Variants in SLC22A23 observed in about 807,000 individuals in gnomAD.
The protein encoded by SLC22A23 is solute carrier family 22 member 23, also known as ion transporter protein.
A neutral mutation model predicts 61.0 loss-of-function variants in SLC22A23; 26 were observed. The observed-to-expected ratio is 0.43, with a 90% CI of 0.31 to 0.59. The LOEUF (loss-of-function observed/expected upper bound fraction) is 0.59, where lower values mean the gene tolerates loss of function less well. SLC22A23 is among the 20% of genes least tolerant of loss of function. The pLI is 0.11. For missense variants in SLC22A23, 796 were observed against 934.7 expected, an observed-to-expected ratio of 0.85 and a Z score of 1.94; for synonymous variants, 430 against 413.9, an observed-to-expected ratio of 1.04 and a Z score of -0.47.
chr6:3,377,707 G>C (rs73720711), intron 3 of SLC22A23: 19,567 of 152,528 alleles, frequency 0.13, 1,704 homozygotes, highest in African/African-American at 0.25. Flanking sequence ...AATGAGCAGT[G>C]GAGAACAGCA....
In SLC22A23 at chr6:3,410,150, A is replaced by T; in HGVS notation, c.913+38T>A. The T allele has an allele frequency of 6.3e-7, 1 of 1,576,114 alleles. No individual in the cohort carries two copies. Among genetic ancestry groups the T allele is most frequent in the South Asian group, 1.2e-5 (1 of 84,682 alleles). On this transcript the variant is annotated intron_variant, in intron 3 of 9. Transcript: ENST00000406686. This position sits in a 1 kb window ranked among gnomAD's most constrained non-coding sequence, Gnocchi z 5.0. ...CCTCCCAGGCAACAATACTTTTGCT[A>T]AATTCTTTCAAGACTAGTCGTGAAG...
At chr6:3,430,117 T>C (rs972732509) in intron 1 of SLC22A23, among the ~76,000 whole-genome samples, 2 of 152,240 alleles carry the variant, frequency 1.3e-5, no homozygotes, top group African/African-American at 4.8e-5. Context: ...GGCTAGCCAG[T>C]ATCCCAATTA....
chr6:3,331,907 G>A (rs1264595187), intron 3 of SLC22A23, among the ~76,000 whole-genome samples: 1 of 152,214 alleles, frequency 6.6e-6, no homozygotes, highest in Non-Finnish European at 1.5e-5. Flanking sequence ...GGGACAGGGT[G>A]GCTTTAAGGT....
intron 9 of SLC22A23, among the ~76,000 whole-genome samples, chr6:3,279,734 T>A (rs1434065921): frequency 2.6e-5 from 4 of 152,040 alleles, no homozygotes; most frequent in Non-Finnish European, 5.9e-5. Flanking sequence ...GGGTTGTCAC[T>A]AGAGGGCAGC....
At position 3,343,674 on chromosome 6, in the gene SLC22A23, C is replaced by T. The variant is rs35671016; in HGVS notation, c.914-19672G>A. On this transcript the variant is annotated intron_variant, in intron 3 of 9. Transcript: ENST00000406686. ...AGCAGCCGGCCAAATGTCGAAAGACCCTAGGTCGCTCTTGAATTGCCCATC... is the reference window on the plus strand; with the variant it reads ...AGCAGCCGGCCAAATGTCGAAAGACTCTAGGTCGCTCTTGAATTGCCCATC... 5.5e-3 allele frequency among the ~76,000 whole-genome samples: 843 copies of T among 152,238 alleles called. 5 individuals carry two copies. The highest frequency in any genetic ancestry group is 0.013 in the South Asian group (63 of 4,826).
Position 3,414,714 on chromosome 6 carries a change from G to A in SLC22A23, c.758+1038C>T, listed in dbSNP as rs1296578138. Among the ~76,000 whole-genome samples the A allele has an allele frequency of 3.2e-5, 3 of 93,276 alleles. No homozygotes were observed. The highest frequency in any genetic ancestry group is 1.5e-4 in the Admixed American group (1 of 6,724). The allele number at this position is 93,276 out of a possible 152,430, so 61.2% of individuals were successfully genotyped here. A position where few individuals can be genotyped will look rare whatever the true frequency, so the allele number is the denominator to read the frequency against. On this transcript the variant is annotated intron_variant, in intron 2 of 9. Transcript: ENST00000406686. The surrounding 1 kb of genome is among the most constrained non-coding windows in gnomAD (Gnocchi z 5.1). ...TATTTCCTCAAGGCCAAGATGTCTCGATTCACCAAAAAAAAAAAAAAAAAA... is the reference window on the plus strand; with the variant it reads ...TATTTCCTCAAGGCCAAGATGTCTCAATTCACCAAAAAAAAAAAAAAAAAA...
chr6:3,278,996 GGAACAAAAGCCTT>G (rs1438537899), intron 9 of SLC22A23, among the ~76,000 whole-genome samples: 1 of 152,106 alleles, frequency 6.6e-6, no homozygotes, highest in Non-Finnish European at 1.5e-5. Context: ...CAAACTGCAT[GGAACAAAAGCCTT>G]GCATTGTGCC....
chr6:3,385,868 C>T lies in SLC22A23; in HGVS notation c.913+24320G>A, dbSNP rs143248435. On this transcript the variant is annotated intron_variant, in intron 3 of 9. Transcript: ENST00000406686. ...GCACTCTGTTACCAGGACAGAGAGACGTATTAGAGCTAGAATACTGCAAAG... is the reference window on the plus strand; with the variant it reads ...GCACTCTGTTACCAGGACAGAGAGATGTATTAGAGCTAGAATACTGCAAAG... 3.3e-4 allele frequency among the ~76,000 whole-genome samples: 51 copies of T among 152,314 alleles called. No individual in the cohort carries two copies. The East Asian group carries it at 7.9e-3, about 24-fold the overall frequency.
intron 9 of SLC22A23, among the ~76,000 whole-genome samples, chr6:3,275,711 T>TA (rs781155885): frequency 4.6e-5 from 7 of 152,312 alleles, no homozygotes; most frequent in Non-Finnish European, 8.8e-5. Flanking sequence ...GCCTCCTGAG[T>TA]AGCTGGGACT....
chr6:3,413,458 G>A (rs1313908743), intron 2 of SLC22A23, among the ~76,000 whole-genome samples: 1 of 152,234 alleles, frequency 6.6e-6, no homozygotes, highest in Non-Finnish European at 1.5e-5. Flanking sequence ...TCCCAGGGCA[G>A]GCTGGGGAAG....
intron 3 of SLC22A23, among the ~76,000 whole-genome samples, chr6:3,357,056 CAAAAAAAAAAAAAAAA>C (rs66509026): frequency 7.0e-5 from 6 of 86,060 alleles, no homozygotes; most frequent in Admixed American, 2.7e-4. Context: ...AAAACAGAGC[CAAAAAAAAAAAAAAAA>C]AAAAAAAAAA....
intron 9 of SLC22A23, chr6:3,283,616 C>T (rs908964877): frequency 2.0e-6 from 1 of 512,622 alleles, no homozygotes; most frequent in African/African-American, 1.9e-5. Context: ...AGAGTAGCTC[C>T]CTGTTCCCCC....
intron 3 of SLC22A23, among the ~76,000 whole-genome samples, chr6:3,346,651 C>T (rs1034032459): frequency 1.4e-4 from 22 of 152,138 alleles, no homozygotes; most frequent in African/African-American, 4.8e-4. Context: ...CATGAAACAC[C>T]TCCAGCTACT....
At chr6:3,418,709 C>T (rs1275650421) in intron 1 of SLC22A23, among the ~76,000 whole-genome samples, 1 of 152,194 alleles carries the variant, frequency 6.6e-6, no homozygotes, top group African/African-American at 2.4e-5. Flanking sequence ...CAACTAGGCA[C>T]AAGAATAGAC....
chr6:3,306,523 T>C (rs1437701606), intron 4 of SLC22A23, among the ~76,000 whole-genome samples: 2 of 152,332 alleles, frequency 1.3e-5, no homozygotes, highest in Middle Eastern at 3.4e-3. Context: ...TTCAAATACA[T>C]TGCCCAGGAT....
chr6:3,359,797 C>G (rs80308382), intron 3 of SLC22A23, among the ~76,000 whole-genome samples: 1 of 152,138 alleles, frequency 6.6e-6, no homozygotes, highest in Non-Finnish European at 1.5e-5. Context: ...GGGAGCAACG[C>G]AGGTGTCCAT....
intron 1 of SLC22A23, among the ~76,000 whole-genome samples, chr6:3,435,369 C>G (rs1771137923): frequency 6.6e-6 from 1 of 151,976 alleles, no homozygotes; most frequent in Non-Finnish European, 1.5e-5. Flanking sequence ...CCCTTCCCCT[C>G]TCCGTCTCCC....
chr6:3,382,261 T>G (rs1432375953), intron 3 of SLC22A23, among the ~76,000 whole-genome samples: 1 of 152,214 alleles, frequency 6.6e-6, no homozygotes, highest in African/African-American at 2.4e-5. Flanking sequence ...AAGTGTCAGA[T>G]GAAGGACAGT....
rs113100992 is a variant in SLC22A23 at position 3,349,448 on chromosome 6, G to A, written c.914-25446C>T. On this transcript the variant is annotated intron_variant, in intron 3 of 9. Transcript: ENST00000406686. ...CGAGGCAAGCCCTGTGGCCCCTGGA[G>A]TTTCTGGAACCCTCTCTAGAATGTG... Among the ~76,000 whole-genome samples, 332 of 152,290 alleles carry A rather than the reference G, an allele frequency of 2.2e-3. 3 individuals are homozygous for A. Among genetic ancestry groups the A allele is most frequent in the African/African-American group, 7.7e-3 (321 of 41,538 alleles).
Sources: gnomAD v4.1 joint callset for allele counts (sites outside exome capture counted in the v4.1 genomes callset) on GRCh38, gnomAD v4.1.1 for gene constraint, Gnocchi (gnomAD v3.1) non-coding constraint, MANE v1.5 for transcripts, NCBI Gene and HGNC (gene_info 2026-07-23, HGNC 2026-07-21) for gene names.